The following ARHGEF37 variants were observed in gnomAD, a reference collection of about 807,000 sequenced individuals.
ARHGEF37 encodes Rho guanine nucleotide exchange factor 37.
Under a neutral mutation model 71.1 loss-of-function variants are expected in ARHGEF37, and 55 were observed. The ratio of observed to expected loss-of-function variants is 0.77; its 90% CI spans 0.62 to 0.97. The LOEUF is 0.97. Ranked by LOEUF, ARHGEF37 falls within the 50% of genes least tolerant of loss-of-function variation. ARHGEF37 has a pLI of 0.00. For synonymous variants in ARHGEF37, 327 were observed against 350.6 expected (o/e 0.93, Z 0.75); for missense variants, 765 against 836.8 (o/e 0.91, Z 1.06).
chr5:149,630,842 T>TA (rs958135745), intron 12 of ARHGEF37, among the ~76,000 whole-genome samples: 1 of 152,190 alleles, frequency 6.6e-6, no homozygotes, highest in African/African-American at 2.4e-5. Context: ...CCATGGTGCT[T>TA]AATGTTCCTG....
At chr5:149,583,814 G>A (rs995065390) in intron 1 of ARHGEF37, among the ~76,000 whole-genome samples, 3 of 152,154 alleles carry the variant, frequency 2.0e-5, no homozygotes, top group African/African-American at 7.2e-5. Flanking sequence ...CAGGCTGAGT[G>A]CAGTGATGCA....
At chr5:149,605,218 C>A (rs1763883414) in intron 3 of ARHGEF37, among the ~76,000 whole-genome samples, 1 of 121,554 alleles carries the variant, frequency 8.2e-6, no homozygotes. Flanking sequence ...CAGAGCAAGA[C>A]TGCATCTCAA....
intron 1 of ARHGEF37, among the ~76,000 whole-genome samples, chr5:149,558,148 AAGCATG>A (rs1424086302): frequency 6.6e-6 from 1 of 152,180 alleles, no homozygotes; most frequent in Non-Finnish European, 1.5e-5. Context: ...CTGGGATTAC[AAGCATG>A]AGCCACTGTG....
chr5:149,553,262 G>A (rs1269986324), intron 1 of ARHGEF37, among the ~76,000 whole-genome samples: 4 of 152,034 alleles, frequency 2.6e-5, no homozygotes, highest in African/African-American at 9.7e-5. Context: ...AGCTGGGCAT[G>A]GTAGCATGTG....
At chr5:149,555,380 T>C (rs906177636) in intron 1 of ARHGEF37, among the ~76,000 whole-genome samples, 6 of 152,078 alleles carry the variant, frequency 3.9e-5, no homozygotes, top group African/African-American at 1.4e-4. Context: ...CATAGCTCAC[T>C]ATAGTCTAGA....
intron 11 of ARHGEF37, among the ~76,000 whole-genome samples, chr5:149,628,075 A>G (rs1287045017): frequency 6.6e-6 from 1 of 152,244 alleles, no homozygotes; most frequent in East Asian, 1.9e-4. Context: ...GACAGAAATC[A>G]TGAAACAGCA....
chr5:149,561,483 GC>G lies in ARHGEF37; in HGVS notation c.-12+9362del, dbSNP rs1426459089. Among the ~76,000 whole-genome samples, 3 of 152,112 alleles carry G rather than the reference GC, an allele frequency of 2.0e-5. 1 individual carries two copies. On this transcript the variant is annotated intron_variant, in intron 1 of 2. Coordinates refer to the ARHGEF37 transcript ENST00000505810. ...TGGCAAAGAGTTACTGTGAAATAAT[GC>G]CGGAGGCTTTAACTCGTTTGTCTGC...
intron 1 of ARHGEF37, among the ~76,000 whole-genome samples, chr5:149,562,206 G>GA (rs1272310596): frequency 6.6e-6 from 1 of 152,046 alleles, no homozygotes; most frequent in Non-Finnish European, 1.5e-5. Flanking sequence ...GCTGAGTAGG[G>GA]AAAAAAAGAA....
Position 149,598,761 on chromosome 5 carries a change from T to TAGATAGATAGATAGATAG in ARHGEF37, c.186+807_186+808insGATAGATAGATAGATAGA, listed in dbSNP as rs1221841533. 1.7e-3 allele frequency among the ~76,000 whole-genome samples: 127 copies of TAGATAGATAGATAGATAG among 75,752 alleles called. 1 individual carries two copies. Among genetic ancestry groups the TAGATAGATAGATAGATAG allele is most frequent in the African/African-American group, 6.0e-3 (121 of 20,298 alleles). 49.7% of individuals were successfully genotyped at this position (75,752 alleles called of 152,430 possible). The stretch of plus-strand genomic sequence containing the variant: ...TCATATATATATATCTATATATAGA[T>TAGATAGATAGATAGATAG]ATAGATATAGATATAGATATATAGA... On this transcript the variant is annotated intron_variant, in intron 2 of 12. Transcript: ENST00000333677.
intron 6 of ARHGEF37, 55 bp from the exon 7 acceptor site, chr5:149,618,883 C>T (rs766033761): frequency 7.4e-5 from 105 of 1,411,826 alleles, no homozygotes; most frequent in Middle Eastern, 5.3e-4. Flanking sequence ...ACACTGAAGC[C>T]GGTGTACACT....
intron 4 of ARHGEF37, among the ~76,000 whole-genome samples, chr5:149,615,705 C>T (rs1461789171): frequency 6.6e-6 from 1 of 151,992 alleles, no homozygotes; most frequent in Non-Finnish European, 1.5e-5. Context: ...TCCTGGCCAA[C>T]ATGGTGAAAC....
At chr5:149,613,263 A>G (rs966644060) in intron 4 of ARHGEF37, among the ~76,000 whole-genome samples, 1 of 152,170 alleles carries the variant, frequency 6.6e-6, no homozygotes, top group Admixed American at 6.5e-5. Flanking sequence ...TCCACTAGTA[A>G]TGTTTTCCAT....
At chr5:149,620,550 C>T in intron 8 of ARHGEF37, 86 bp downstream of exon 8, 1 of 1,126,654 alleles carries the variant, frequency 8.9e-7, no homozygotes, top group South Asian at 1.6e-5. Context: ...GGCACTTTGG[C>T]CAGGCGTGGT....
intron 2 of ARHGEF37, among the ~76,000 whole-genome samples, chr5:149,598,749 T>G (rs200603909): frequency 2.5e-5 from 1 of 39,314 alleles, no homozygotes; most frequent in South Asian, 1.9e-3. Flanking sequence ...TATATATATA[T>G]CTATATATAG....
intron 2 of ARHGEF37, among the ~76,000 whole-genome samples, chr5:149,600,196 ATAT>A (rs1371273764): frequency 7.9e-5 from 12 of 152,244 alleles, no homozygotes; most frequent in African/African-American, 2.4e-4. Flanking sequence ...TAAAAATATG[ATAT>A]TATAATCCTA....
In ARHGEF37 at chr5:149,601,097, G is replaced by A. The variant is rs1409793140; in HGVS notation, c.187-11G>A. ...CCCAACCACCTCTCATGGCTTCTTTGTTCCTTCCAGTTGCCGCAGGGAGAT... is the reference window on the plus strand; with the variant it reads ...CCCAACCACCTCTCATGGCTTCTTTATTCCTTCCAGTTGCCGCAGGGAGAT... On this transcript the variant is annotated splice_polypyrimidine_tract_variant and intron_variant, in intron 2 of 12. Transcript: ENST00000333677. 2 of 1,608,554 alleles carry A rather than the reference G, an allele frequency of 1.2e-6. No homozygotes were observed. The highest frequency in any genetic ancestry group is 1.7e-6 in the Non-Finnish European group (2 of 1,175,886).
chr5:149,557,190 T>C (rs923994122), intron 1 of ARHGEF37, among the ~76,000 whole-genome samples: 1 of 152,170 alleles, frequency 6.6e-6, no homozygotes. Flanking sequence ...ACAGAAGCCA[T>C]TGAGTTCAAG....
intron 9 of ARHGEF37, among the ~76,000 whole-genome samples, chr5:149,623,430 G>T (rs1245075777): frequency 1.3e-5 from 2 of 152,198 alleles, no homozygotes; most frequent in Admixed American, 6.5e-5. Flanking sequence ...TAAAAGAACT[G>T]TCTCTTCCTT....
At chr5:149,605,156 G>A (rs1368293707) in intron 3 of ARHGEF37, among the ~76,000 whole-genome samples, 1 of 151,032 alleles carries the variant, frequency 6.6e-6, no homozygotes, top group Non-Finnish European at 1.5e-5. Flanking sequence ...GAACCCAGGA[G>A]GTGGAGGTGG....
Sources: allele counts gnomAD v4.1 joint callset (sites outside exome capture counted in the v4.1 genomes callset), GRCh38; gene constraint gnomAD v4.1.1; transcripts MANE v1.5; gene names NCBI Gene and HGNC (gene_info 2026-07-23, HGNC 2026-07-21).